FHIT: variants seen among roughly 807,000 people sequenced by gnomAD.
FHIT encodes bis(5'-adenosyl)-triphosphatase.
In FHIT, 19 loss-of-function variants were observed where a neutral mutation model predicts 17.9. The observed-to-expected ratio is 1.06, with a 90% confidence interval of 0.74 to 1.56. The LOEUF (loss-of-function observed/expected upper bound fraction) is 1.56, where lower values mean the gene tolerates loss of function less well. Ranked by LOEUF, FHIT falls within the 40% of genes most tolerant of loss-of-function variation. The pLI, the probability that FHIT is intolerant of heterozygous loss-of-function variation, is 0.00. For missense variants in FHIT, 248 were observed against 189.2 expected, an observed-to-expected ratio of 1.31 and a Z score of -1.82; for synonymous variants, 81 against 69.7, an observed-to-expected ratio of 1.16 and a Z score of -0.81.
intron 5 of FHIT, among the ~76,000 whole-genome samples, chr3:60,420,651 A>G (rs1702432202): frequency 6.6e-6 from 1 of 152,062 alleles, no homozygotes; most frequent in Non-Finnish European, 1.5e-5. Flanking sequence ...TTTACTGGCT[A>G]TTTCTCTCTG....
chr3:60,104,482 C>CTT (rs35294469), intron 5 of FHIT, among the ~76,000 whole-genome samples: 47,250 of 147,432 alleles, frequency 0.32, 8,145 homozygotes, highest in East Asian at 0.72. Context: ...GTGAATTAAA[C>CTT]TTTTTTTTTT....
intron 5 of FHIT, among the ~76,000 whole-genome samples, chr3:60,385,270 A>T (rs1042040702): frequency 1.3e-5 from 2 of 152,214 alleles, no homozygotes; most frequent in African/African-American, 4.8e-5. Context: ...AGAAGCATCC[A>T]CTGTGGATTA....
At chr3:60,585,390 C>T (rs1553661331) in intron 4 of FHIT, among the ~76,000 whole-genome samples, 1 of 151,984 alleles carries the variant, frequency 6.6e-6, no homozygotes, top group Non-Finnish European at 1.5e-5. Context: ...AAACTCTTTA[C>T]ATTGTAAAGC....
chr3:60,770,827 A>G (rs948862910), intron 4 of FHIT, among the ~76,000 whole-genome samples: 12 of 152,232 alleles, frequency 7.9e-5, no homozygotes, highest in African/African-American at 1.2e-4. Flanking sequence ...TGGGTCTACA[A>G]TGATTCTTCC....
intron 5 of FHIT, among the ~76,000 whole-genome samples, chr3:60,219,904 T>A (rs1559737730): frequency 6.6e-6 from 1 of 152,186 alleles, no homozygotes; most frequent in Non-Finnish European, 1.5e-5. Flanking sequence ...GGATCTGCCT[T>A]ACGTGAGTTG....
intron 8 of FHIT, among the ~76,000 whole-genome samples, chr3:59,829,861 C>G (rs1017677812): frequency 1.3e-5 from 2 of 151,978 alleles, no homozygotes; most frequent in Admixed American, 6.6e-5. Flanking sequence ...CCCTAGAGAG[C>G]CACCAGTCCC....
intron 3 of FHIT, among the ~76,000 whole-genome samples, chr3:60,849,441 A>AATAT (rs10662932): frequency 0.044 from 6,017 of 137,578 alleles, 235 homozygotes; most frequent in East Asian, 0.15. Flanking sequence ...ACAAAAATGA[A>AATAT]ATATATATAT....
intron 4 of FHIT, among the ~76,000 whole-genome samples, chr3:60,624,898 T>TG (rs1553680318): frequency 2.7e-5 from 4 of 145,526 alleles, no homozygotes; most frequent in South Asian, 2.1e-4. Flanking sequence ...GTTTCTAGTT[T>TG]TTTTTTTTGT....
chr3:60,820,550 C>A (rs189546769), intron 4 of FHIT, among the ~76,000 whole-genome samples: 115 of 152,300 alleles, frequency 7.6e-4, no homozygotes, highest in Non-Finnish European at 8.1e-4. Flanking sequence ...CAACAAGATG[C>A]AGCAATGTCT....
At chr3:60,877,701 G>A (rs7622829) in intron 3 of FHIT, among the ~76,000 whole-genome samples, 32,964 of 151,870 alleles carry the variant, frequency 0.22, 3,802 homozygotes, top group Middle Eastern at 0.28. Flanking sequence ...GTAGTATCTT[G>A]TGTCCCAAGG....
intron 3 of FHIT, among the ~76,000 whole-genome samples, chr3:60,836,824 C>T (rs1702558965): frequency 6.6e-6 from 1 of 152,140 alleles, no homozygotes; most frequent in Non-Finnish European, 1.5e-5. Context: ...ATAAGGAAGG[C>T]ATGCAAGAAT....
chr3:60,812,175 CT>C (rs34243612), intron 4 of FHIT, among the ~76,000 whole-genome samples: 41,256 of 136,868 alleles, frequency 0.3, 6,055 homozygotes, highest in Middle Eastern at 0.38. Flanking sequence ...AATACAGACT[CT>C]TTTTTTTTTT....
At chr3:60,064,314 G>A (rs1015129100) in intron 5 of FHIT, among the ~76,000 whole-genome samples, 5 of 152,034 alleles carry the variant, frequency 3.3e-5, no homozygotes, top group Admixed American at 6.5e-5. Flanking sequence ...ACTGAACTCC[G>A]AAATGGGTGG....
chr3:60,289,326 C>G (rs1057074299), intron 5 of FHIT, among the ~76,000 whole-genome samples: 2 of 152,032 alleles, frequency 1.3e-5, no homozygotes, highest in African/African-American at 4.8e-5. Flanking sequence ...ATCTTTAGAC[C>G]TAGATAAATG....
intron 7 of FHIT, among the ~76,000 whole-genome samples, chr3:59,979,034 A>T (rs1708535989): frequency 6.6e-6 from 1 of 152,062 alleles, no homozygotes; most frequent in Non-Finnish European, 1.5e-5. Flanking sequence ...AGACAGACAT[A>T]AGCAAACCAT....
chr3:61,089,282 T>G (rs1486845999), intron 2 of FHIT, among the ~76,000 whole-genome samples: 3 of 152,216 alleles, frequency 2.0e-5, no homozygotes, highest in African/African-American at 7.2e-5. Flanking sequence ...TACAGTTTTG[T>G]GGCATTAAGT....
chr3:61,050,831 C>T (rs11130813), intron 2 of FHIT, among the ~76,000 whole-genome samples: 20,181 of 152,130 alleles, frequency 0.13, 1,412 homozygotes, highest in South Asian at 0.18. Context: ...TTGGACCAGC[C>T]CTTTCACTTC....
At chr3:60,258,615 T>C (rs1168559346) in intron 5 of FHIT, among the ~76,000 whole-genome samples, 3 of 152,156 alleles carry the variant, frequency 2.0e-5, no homozygotes, top group African/African-American at 7.2e-5. Flanking sequence ...ACTAAGTTCA[T>C]GGCTGAGGCA....
chr3:60,032,068 T>C (rs1420518600), intron 5 of FHIT, among the ~76,000 whole-genome samples: 1 of 152,208 alleles, frequency 6.6e-6, no homozygotes, highest in Non-Finnish European at 1.5e-5. Context: ...TGATGGTCAT[T>C]ATAGCTGCTA....
Sources: gnomAD v4.1 joint callset for allele counts (sites outside exome capture counted in the v4.1 genomes callset) on GRCh38, gnomAD v4.1.1 for gene constraint, MANE v1.5 for transcripts, NCBI Gene and HGNC (gene_info 2026-07-23, HGNC 2026-07-21) for gene names.